The following PPM1L variants were observed in gnomAD, a reference collection of about 807,000 sequenced individuals.
The protein encoded by PPM1L is protein phosphatase 1L.
A neutral mutation model predicts 31.4 loss-of-function variants in PPM1L; 13 were observed. The ratio of observed to expected loss-of-function variants is 0.41; its 90% CI spans 0.27 to 0.66. PPM1L has a LOEUF of 0.66. PPM1L is among the 30% of genes least tolerant of loss of function. The pLI is 0.29. For synonymous variants in PPM1L, 184 were observed against 175.4 expected (o/e 1.05, Z -0.39); for missense variants, 326 against 453.7 (o/e 0.72, Z 2.56).
intron 2 of PPM1L, among the ~76,000 whole-genome samples, chr3:160,997,308 A>C (rs1277084145): frequency 6.6e-6 from 1 of 152,214 alleles, no homozygotes; most frequent in Non-Finnish European, 1.5e-5. Context: ...AACTGATTGC[A>C]CATGTTTGAA....
chr3:160,823,078 A>T (rs895020082), intron 1 of PPM1L, among the ~76,000 whole-genome samples: 2 of 152,090 alleles, frequency 1.3e-5, no homozygotes, highest in Admixed American at 1.3e-4. Context: ...AAGAGGAAAA[A>T]AAAGAAGCCT....
chr3:161,057,463 A>C (rs1037888), intron 2 of PPM1L, among the ~76,000 whole-genome samples: 1,826 of 151,936 alleles, frequency 0.012, 48 homozygotes, highest in African/African-American at 0.042. Context: ...TTCATTGTCA[A>C]CTTTATTGTT....
At chr3:161,059,840 C>T (rs955310928) in intron 2 of PPM1L, among the ~76,000 whole-genome samples, 3 of 152,008 alleles carry the variant, frequency 2.0e-5, no homozygotes, top group Non-Finnish European at 4.4e-5. Flanking sequence ...CACCTCCCCC[C>T]ACCCACTTCC....
At chr3:160,823,914 T>C (rs574828548) in intron 1 of PPM1L, among the ~76,000 whole-genome samples, 25 of 152,260 alleles carry the variant, frequency 1.6e-4, no homozygotes, top group African/African-American at 5.3e-4. Context: ...ATTCTGTAAA[T>C]TGGCTTATTT....
Position 160,947,711 on chromosome 3 carries a change from G to T in PPM1L, c.400-14025G>T, listed in dbSNP as rs1715453517. 4.6e-5 allele frequency among the ~76,000 whole-genome samples: 7 copies of T among 152,136 alleles called. No individual in the cohort carries two copies. In the South Asian group the frequency reaches 1.4e-3, roughly 32 times the overall value. ...AGCAAAATAGTGGGAAGATTCATGG[G>T]TAGTGGTGACAAGCCCTCCAAGCCT... is the stretch of plus-strand genomic sequence containing the variant. On this transcript the variant is annotated intron_variant, in intron 1 of 3. Coordinates refer to ENST00000498165, the MANE Select transcript of PPM1L (RefSeq NM_139245.4).
chr3:160,902,882 G>T, intron 1 of PPM1L, among the ~76,000 whole-genome samples: 1 of 152,078 alleles, frequency 6.6e-6, no homozygotes, highest in Non-Finnish European at 1.5e-5. Flanking sequence ...CTGAGTGCTG[G>T]AATCTGCAAA....
chr3:161,035,471 A>G (rs140889598), intron 2 of PPM1L, among the ~76,000 whole-genome samples: 1 of 152,350 alleles, frequency 6.6e-6, no homozygotes, highest in Non-Finnish European at 1.5e-5. Flanking sequence ...CAGACATGCT[A>G]AAGGCTGTGC....
intron 2 of PPM1L, among the ~76,000 whole-genome samples, chr3:160,992,413 A>C (rs551611694): frequency 1.3e-5 from 2 of 152,296 alleles, no homozygotes; most frequent in African/African-American, 4.8e-5. Context: ...ATATCATCAA[A>C]ATTAGGGCCC....
chr3:160,911,269 C>T (rs368905590), intron 1 of PPM1L, among the ~76,000 whole-genome samples: 2 of 152,204 alleles, frequency 1.3e-5, no homozygotes, highest in South Asian at 2.1e-4. Flanking sequence ...GTATATGTCA[C>T]TGTCAGAGTA....
At position 161,065,534 on chromosome 3, in the gene PPM1L, T is replaced by C; in HGVS notation, c.706T>C (p.Leu236=). Residue 236 remains leucine, a synonymous_variant, in exon 3 of 4, where the codon TTG becomes CTG. Coordinates refer to ENST00000498165, the MANE Select transcript of PPM1L (RefSeq NM_139245.4). ...GTCTCATGATCACAAGCCTTACCAG[T>C]TGAAGGAAAGAAAGAGGATAAAGAG... ...PLSHDHKPYQ[L]KERKRIKRAG... 6.2e-7 allele frequency: 1 copy of C among 1,613,990 alleles called. No homozygotes were observed. Among genetic ancestry groups the C allele is most frequent in the Non-Finnish European group, 8.5e-7 (1 of 1,179,916 alleles).
intron 2 of PPM1L, among the ~76,000 whole-genome samples, chr3:160,991,969 A>G (rs1717149746): frequency 6.6e-6 from 1 of 152,326 alleles, no homozygotes; most frequent in East Asian, 1.9e-4. Flanking sequence ...GATGTGTATT[A>G]ACTTTTTGAA....
intron 2 of PPM1L, among the ~76,000 whole-genome samples, chr3:161,038,585 T>TAAA (rs35502476): frequency 3.6e-5 from 4 of 110,582 alleles, no homozygotes; most frequent in African/African-American, 6.2e-5. Context: ...GGATTTGTTT[T>TAAA]AAAAAAAAAA....
At chr3:160,970,455 T>C (rs1716292842) in intron 2 of PPM1L, among the ~76,000 whole-genome samples, 1 of 150,088 alleles carries the variant, frequency 6.7e-6, no homozygotes, top group Admixed American at 6.6e-5. Flanking sequence ...ATATTTTTTT[T>C]TTTTTTTTTT....
chr3:160,930,954 A>G (rs1466266249), intron 1 of PPM1L, among the ~76,000 whole-genome samples: 2 of 152,146 alleles, frequency 1.3e-5, no homozygotes, highest in Admixed American at 1.3e-4. Context: ...AGTGCCAGGG[A>G]GTGGGAAAGA....
At chr3:160,909,445 GA>G (rs2108061090) in intron 1 of PPM1L, among the ~76,000 whole-genome samples, 1 of 152,256 alleles carries the variant, frequency 6.6e-6, no homozygotes, top group East Asian at 1.9e-4. Flanking sequence ...TTCGATTTTA[GA>G]CTTATTAAGT....
At chr3:161,009,489 T>C (rs1289792413) in intron 2 of PPM1L, among the ~76,000 whole-genome samples, 1 of 152,160 alleles carries the variant, frequency 6.6e-6, no homozygotes, top group African/African-American at 2.4e-5. Flanking sequence ...TCAATGAAAA[T>C]CATGTATAAG....
chr3:160,853,266 C>G (rs974398282), intron 1 of PPM1L, among the ~76,000 whole-genome samples: 1 of 152,092 alleles, frequency 6.6e-6, no homozygotes, highest in Non-Finnish European at 1.5e-5. Context: ...AGGACATATA[C>G]GTAATTGTTT....
At chr3:160,956,155 T>A (rs187386754) in intron 1 of PPM1L, among the ~76,000 whole-genome samples, 360 of 152,346 alleles carry the variant, frequency 2.4e-3, no homozygotes, top group African/African-American at 8.4e-3. Context: ...CTGCTTCTTT[T>A]CATTTATCCT....
At chr3:160,955,483 T>C (rs1158291642) in intron 1 of PPM1L, among the ~76,000 whole-genome samples, 1 of 152,130 alleles carries the variant, frequency 6.6e-6, no homozygotes, top group African/African-American at 2.4e-5. Flanking sequence ...TCATGCGTAT[T>C]TTTGCATTAC....
Sources: gnomAD v4.1 joint callset for allele counts (sites outside exome capture counted in the v4.1 genomes callset) on GRCh38, gnomAD v4.1.1 for gene constraint, MANE v1.5 for transcripts, NCBI Gene and HGNC (gene_info 2026-07-23, HGNC 2026-07-21) for gene names.